The following DNAH14 variants were observed in gnomAD, a reference collection of about 807,000 sequenced individuals.
The protein encoded by DNAH14 is dynein axonemal heavy chain 14, also known as axonemal beta dynein heavy chain 14.
Under a neutral mutation model 520.9 loss-of-function variants are expected in DNAH14, and 478 were observed. That is an observed-to-expected ratio of 0.92 (90% CI 0.85 to 0.99). The LOEUF (loss-of-function observed/expected upper bound fraction) is 0.99, where lower values mean the gene tolerates loss of function less well. Among genes scored for constraint, DNAH14 ranks in the 50% least tolerant of loss-of-function variants. DNAH14 has a pLI of 0.00. For missense variants in DNAH14, 4,831 were observed against 5,234.5 expected (o/e 0.92, Z 2.38); for synonymous variants, 1,581 against 1,757.2 (o/e 0.90, Z 2.51).
At chr1:224,973,482 C>CAAATAT (rs2061625938) in intron 7 of DNAH14, among the ~76,000 whole-genome samples, 1 of 152,120 alleles carries the variant, frequency 6.6e-6, no homozygotes. Flanking sequence ...TATAGGTGGC[C>CAAATAT]ATATTCATTT....
intron 23 of DNAH14, among the ~76,000 whole-genome samples, chr1:225,104,297 T>G (rs1053967604): frequency 2.0e-5 from 3 of 152,224 alleles, no homozygotes; most frequent in Non-Finnish European, 4.4e-5. Flanking sequence ...CAGTATTTTA[T>G]TGAGGATTTT....
chr1:225,217,148 T>C (rs1046475959), intron 41 of DNAH14, among the ~76,000 whole-genome samples: 2 of 152,218 alleles, frequency 1.3e-5, no homozygotes, highest in Non-Finnish European at 2.9e-5. Context: ...TGCAGGTCTG[T>C]TGGAGTTTGC....
intron 36 of DNAH14, among the ~76,000 whole-genome samples, chr1:225,175,958 G>A (rs965103971): frequency 1.2e-4 from 18 of 152,010 alleles, no homozygotes; most frequent in Admixed American, 1.1e-3. Flanking sequence ...GCTTCACTAT[G>A]TTGCCCAGAC....
chr1:225,095,642 A>C (rs2074894143), intron 21 of DNAH14, among the ~76,000 whole-genome samples: 1 of 152,194 alleles, frequency 6.6e-6, no homozygotes, highest in Admixed American at 6.5e-5. Flanking sequence ...TCCTGAACCT[A>C]AAAGTTATAC....
rs188881961 is a variant in DNAH14 at position 225,162,345 on chromosome 1, G to T, written c.5445+2860G>T. Among the ~76,000 whole-genome samples the T allele has an allele frequency of 3.9e-5, 6 of 152,224 alleles. No homozygotes were observed. The East Asian group carries it at 1.2e-3, about 29-fold the overall frequency. On this transcript the variant is annotated intron_variant, in intron 35 of 85. Transcript: ENST00000682510. ...GTTTTCTGTTTTGTTCCGTTCGTCT[G>T]TATGGATATTGGTCTGTGTGTCTAT...
chr1:225,245,859 A>G (rs1488864627), intron 43 of DNAH14, among the ~76,000 whole-genome samples: 3 of 152,180 alleles, frequency 2.0e-5, no homozygotes, highest in African/African-American at 7.2e-5. Context: ...TCTTCACAGA[A>G]TTAGGAAAAA....
At chr1:225,344,275 C>T (rs1004890542) in intron 69 of DNAH14, among the ~76,000 whole-genome samples, 1 of 149,680 alleles carries the variant, frequency 6.7e-6, no homozygotes, top group Non-Finnish European at 1.5e-5. Flanking sequence ...AGGTTTGTTA[C>T]ATAGGTAAAC....
At chr1:224,992,320 TAAC>T (rs1462536969) in intron 8 of DNAH14, among the ~76,000 whole-genome samples, 2 of 152,210 alleles carry the variant, frequency 1.3e-5, no homozygotes, top group Admixed American at 6.5e-5. Flanking sequence ...GTAAACATTT[TAAC>T]AACATTAGTT....
chr1:225,333,449 T>C lies in DNAH14; in HGVS notation c.10023T>C (p.Asn3341=). 6.4e-7 allele frequency: 1 copy of C among 1,551,356 alleles called. No individual in the cohort carries two copies. ...AATGGGAGACATTCTGCATTGAAAA[T>C]GGCATTTCTTTGTCTTCCAAATTCT... The part of the protein sequence containing the change: ...VNKWETFCIE[N]GISLSSKFSL... Residue 3341 remains asparagine, a synonymous_variant, in exon 66 of 86, where the codon AAT becomes AAC. Coordinates refer to ENST00000682510, the MANE Select transcript of DNAH14 (RefSeq NM_001367479.1).
intron 36 of DNAH14, among the ~76,000 whole-genome samples, chr1:225,175,486 T>A (rs1174389610): frequency 6.6e-6 from 1 of 152,014 alleles, no homozygotes; most frequent in Non-Finnish European, 1.5e-5. Flanking sequence ...TCAGCTATAA[T>A]GTCTCCTTTT....
chr1:225,378,529 T>A (rs1478900345), intron 79 of DNAH14, among the ~76,000 whole-genome samples: 1 of 152,116 alleles, frequency 6.6e-6, no homozygotes, highest in African/African-American at 2.4e-5. Flanking sequence ...AGCTTTAAGG[T>A]TATTGCTTAC....
chr1:225,039,437 C>T (rs1022339283), intron 12 of DNAH14, among the ~76,000 whole-genome samples: 4 of 151,698 alleles, frequency 2.6e-5, no homozygotes, highest in Non-Finnish European at 5.9e-5. Context: ...AAATTTATTA[C>T]AGAATGTAAA....
intron 12 of DNAH14, 22 bp from the exon 13 acceptor site, chr1:225,042,813 C>T (rs1252553375): frequency 1.3e-6 from 2 of 1,535,438 alleles, no homozygotes; most frequent in East Asian, 4.9e-5. Context: ...CACTGGCACC[C>T]TCACATTATC....
intron 17 of DNAH14, among the ~76,000 whole-genome samples, chr1:225,056,814 C>G (rs1286631893): frequency 6.6e-6 from 1 of 152,130 alleles, no homozygotes; most frequent in East Asian, 1.9e-4. Flanking sequence ...TTGTTTTTGT[C>G]AGGTTTGTCA....
chr1:224,999,176 GTTGTGCCATGGA>G (rs1221056596), intron 8 of DNAH14, among the ~76,000 whole-genome samples: 5 of 151,944 alleles, frequency 3.3e-5, no homozygotes, highest in African/African-American at 1.2e-4. Flanking sequence ...ACAGCATATA[GTTGTGCCATGGA>G]TTTTTTTGTT....
intron 75 of DNAH14, among the ~76,000 whole-genome samples, chr1:225,364,123 A>C (rs2095525281): frequency 1.3e-5 from 2 of 152,196 alleles, no homozygotes; most frequent in South Asian, 4.1e-4. Flanking sequence ...TTCTTGGTAC[A>C]TCATATCAAG....
At chr1:225,138,819 C>T (rs1409743079) in intron 27 of DNAH14, among the ~76,000 whole-genome samples, 1 of 152,162 alleles carries the variant, frequency 6.6e-6, no homozygotes, top group African/African-American at 2.4e-5. Context: ...TCTCCTCACT[C>T]TCCTTGAATC....
intron 12 of DNAH14, among the ~76,000 whole-genome samples, chr1:225,039,030 A>T (rs1005951197): frequency 9.9e-5 from 15 of 152,122 alleles, no homozygotes; most frequent in African/African-American, 3.4e-4. Context: ...CATTCACCAC[A>T]TGGTTTATTG....
chr1:225,271,848 A>T (rs771319983), intron 50 of DNAH14, 58 bp from the exon 51 acceptor site: 162 of 1,386,058 alleles, frequency 1.2e-4, no homozygotes, highest in Non-Finnish European at 1.6e-4. Context: ...GAAGGTAGCC[A>T]GAAGTAGTCT....
Sources: allele counts gnomAD v4.1 joint callset (sites outside exome capture counted in the v4.1 genomes callset), GRCh38; gene constraint gnomAD v4.1.1; transcripts MANE v1.5; gene names NCBI Gene and HGNC (gene_info 2026-07-23, HGNC 2026-07-21).